SLC5A7: variants seen among roughly 807,000 people sequenced by gnomAD.
SLC5A7 encodes high affinity choline transporter 1.
In SLC5A7, 19 loss-of-function variants were observed where a neutral mutation model predicts 55.4. That is an observed-to-expected ratio of 0.34 (90% CI 0.24 to 0.50). The LOEUF is 0.50. Among genes scored for constraint, SLC5A7 ranks in the 20% least tolerant of loss-of-function variants. The pLI is 0.98. For missense variants in SLC5A7, 506 were observed against 705.3 expected, an observed-to-expected ratio of 0.72 and a Z score of 3.20; for synonymous variants, 265 against 263.7, an observed-to-expected ratio of 1.00 and a Z score of -0.05.
rs1678115852 is a variant in SLC5A7 at position 108,006,203 on chromosome 2, G to C, written c.895+1G>C. The C allele has an allele frequency of 6.2e-7, 1 of 1,613,732 alleles. No homozygotes were observed. The highest frequency in any genetic ancestry group is 8.5e-7 in the Non-Finnish European group (1 of 1,179,892). On this transcript the variant is annotated splice_donor_variant, in intron 7 of 8. Coordinates refer to ENST00000264047, the MANE Select transcript of SLC5A7 (RefSeq NM_021815.5). LOFTEE classifies it high-confidence loss of function. ...ATTGGGGCCATTGGAGCATCAACAG[G>C]TAAATCTCTTGCAGCTTCACCACAT...
chr2:108,011,104 TA>T lies in SLC5A7; in HGVS notation c.*249del. ...TGATGCTAGATAGTTTTGCTAGGTA[TA>T]AAAAATAAGTAAAGTTCCACTTAGA... is the stretch of plus-strand genomic sequence containing the variant. On this transcript the variant is annotated 3_prime_UTR_variant, in exon 9 of 9. Transcript: ENST00000264047. 2.9e-6 allele frequency: 1 copy of T among 347,080 alleles called. No homozygotes were observed. Among genetic ancestry groups the T allele is most frequent in the Admixed American group, 4.6e-5 (1 of 21,828 alleles). 21.5% of individuals were successfully genotyped at this position (347,080 alleles called of 1,614,324 possible). A position where few individuals can be genotyped will look rare whatever the true frequency, so the allele number is the denominator to read the frequency against.
At chr2:108,010,200 C>A in intron 8 of SLC5A7, 32 bp from the exon 9 acceptor site, 1 of 1,596,844 alleles carries the variant, frequency 6.3e-7, no homozygotes, top group Non-Finnish European at 8.5e-7. Context: ...AGACACTGTG[C>A]AAAAAGCTGA....
intron 8 of SLC5A7, 115 bp downstream of exon 8, chr2:108,008,797 AC>A: frequency 1.4e-6 from 1 of 724,040 alleles, no homozygotes; most frequent in East Asian, 3.0e-5. Context: ...GTTAAATCTG[AC>A]TGTACTTTAA....
chr2:107,996,993 C>A (rs1407481218), intron 4 of SLC5A7, among the ~76,000 whole-genome samples: 1 of 152,120 alleles, frequency 6.6e-6, no homozygotes, highest in East Asian at 1.9e-4. Flanking sequence ...TTTCTCAATT[C>A]TTTGCTGCCT....
At chr2:107,994,181 A>C (rs971936230) in intron 4 of SLC5A7, among the ~76,000 whole-genome samples, 5 of 152,212 alleles carry the variant, frequency 3.3e-5, no homozygotes, top group African/African-American at 1.2e-4. Flanking sequence ...CGCCTTCAGC[A>C]CATCCAATTT....
At chr2:107,994,260 G>C (rs1359735215) in intron 4 of SLC5A7, among the ~76,000 whole-genome samples, 4 of 152,162 alleles carry the variant, frequency 2.6e-5, no homozygotes, top group Non-Finnish European at 4.4e-5. Context: ...GCCGAAACAA[G>C]AGTATTTGAT....
intron 6 of SLC5A7, 81 bp downstream of exon 6, chr2:108,002,121 TAA>T: frequency 6.6e-7 from 1 of 1,511,054 alleles, no homozygotes; most frequent in Non-Finnish European, 9.0e-7. Flanking sequence ...ATATTCATAG[TAA>T]AAAAATGTGC....
chr2:108,012,567 CAT>C lies in SLC5A7; in HGVS notation c.*1707_*1708del, dbSNP rs1186325155. On this transcript the variant is annotated 3_prime_UTR_variant, in exon 9 of 9. Coordinates refer to ENST00000264047, the MANE Select transcript of SLC5A7 (RefSeq NM_021815.5). ...TAAAAGAGGAAATTAAATAATTTTA[CAT>C]GTCTCATATTTTCAGTGCTTTCTCA... is the stretch of plus-strand genomic sequence containing the variant. The C allele has an allele frequency of 1.2e-4, 18 of 152,052 alleles. No individual in the cohort carries two copies. The highest frequency in any genetic ancestry group is 2.2e-4 in the Non-Finnish European group (15 of 68,000). The allele number at this position is 152,052 out of a possible 1,614,324, so 9.4% of individuals were successfully genotyped here. A position where few individuals can be genotyped will look rare whatever the true frequency, so the allele number is the denominator to read the frequency against.
chr2:108,010,197 G>A, intron 8 of SLC5A7, 35 bp from the exon 9 acceptor site: 3 of 1,595,286 alleles, frequency 1.9e-6, no homozygotes, highest in Admixed American at 3.4e-5. Context: ...CCAAGACACT[G>A]TGCAAAAAGC....
In SLC5A7 at chr2:108,013,912, G is replaced by A. The variant is rs1377963946; in HGVS notation, c.*3051G>A. On this transcript the variant is annotated 3_prime_UTR_variant, in exon 9 of 9. Transcript: ENST00000264047. ...TTATGTGACTATGAAACGAATATAAGCTTAAAATAAGTGAATCTAATAAAA... is the reference window on the plus strand; with the variant it reads ...TTATGTGACTATGAAACGAATATAAACTTAAAATAAGTGAATCTAATAAAA... The A allele has an allele frequency of 1.3e-5, 2 of 151,980 alleles. No individual in the cohort carries two copies. The highest frequency in any genetic ancestry group is 4.8e-5 in the African/African-American group (2 of 41,402). The allele number at this position is 151,980 out of a possible 1,614,324, so 9.4% of individuals were successfully genotyped here.
intron 7 of SLC5A7, among the ~76,000 whole-genome samples, chr2:108,007,117 T>C (rs184910706): frequency 1.9e-4 from 29 of 152,292 alleles, no homozygotes; most frequent in Admixed American, 5.2e-4. Context: ...GCTGTAACTT[T>C]TAAGAGCACT....
intron 7 of SLC5A7, among the ~76,000 whole-genome samples, chr2:108,007,416 C>T: frequency 3.3e-5 from 1 of 30,706 alleles, no homozygotes; most frequent in Non-Finnish European, 5.3e-5. Context: ...TAGTGTTTGT[C>T]TCTGAAAAAA....
At chr2:107,994,310 G>A (rs1389898930) in intron 4 of SLC5A7, among the ~76,000 whole-genome samples, 2 of 152,202 alleles carry the variant, frequency 1.3e-5, no homozygotes, top group African/African-American at 4.8e-5. Flanking sequence ...GGGGCCGGGC[G>A]CGGTGGCTCA....
Position 108,001,937 on chromosome 2 carries a change from C to T in SLC5A7, c.638C>T (p.Ala213Val). Residue 213 changes from alanine to valine, a missense_variant, in exon 6 of 9, where the codon GCA becomes GTA. Ala to Val is a moderately conservative substitution (Grantham distance 64). This residue lies in a region of SLC5A7 where 309 missense variants were observed against 478.6 expected (regional missense o/e 0.65). Transcript: ENST00000264047. ...TTTGCATTGTCACATCCTGCAGTCG[C>T]AGACATCGGGTTCACTGCTGTGCAT... ...VPFALSHPAV[A>V]DIGFTAVHAK... 6.2e-7 allele frequency: 1 copy of T among 1,614,162 alleles called. No homozygotes were observed. The highest frequency in any genetic ancestry group is 8.5e-7 in the Non-Finnish European group (1 of 1,180,038).
chr2:108,000,391 GTGT>G (rs1677836875), intron 5 of SLC5A7, among the ~76,000 whole-genome samples: 2 of 151,916 alleles, frequency 1.3e-5, no homozygotes, highest in Non-Finnish European at 2.9e-5. Context: ...ATAAAAGTGT[GTGT>G]GCCTACACAC....
rs770347359 is a variant in SLC5A7 at position 107,997,908 on chromosome 2, T to C, written c.519T>C (p.Thr173=). Reference sequence around the variant, plus strand: ...TCATCATCTCTGCACTCATTGCCACTCTGTACACACTGGTGGGAGGGCTCT... The same window carrying C: ...TCATCATCTCTGCACTCATTGCCACCCTGTACACACTGGTGGGAGGGCTCT... ...ISVIISALIA[T]LYTLVGGLYS... The change falls in exon 5 of 9, where the codon ACT becomes ACC. Residue 173 remains threonine, a synonymous_variant. Coordinates refer to ENST00000264047, the MANE Select transcript of SLC5A7 (RefSeq NM_021815.5). The C allele has an allele frequency of 6.2e-7, 1 of 1,614,080 alleles. No individual in the cohort carries two copies. Among genetic ancestry groups the C allele is most frequent in the South Asian group, 1.1e-5 (1 of 91,064 alleles).
At chr2:108,006,010 A>G in intron 6 of SLC5A7, 39 bp from the exon 7 acceptor site, 2 of 1,610,192 alleles carry the variant, frequency 1.2e-6, no homozygotes, top group Non-Finnish European at 1.7e-6. Context: ...AAAAAAATGA[A>G]TAGATGTTTG....
intron 8 of SLC5A7, among the ~76,000 whole-genome samples, chr2:108,009,501 C>T (rs2104381166): frequency 6.6e-6 from 1 of 152,142 alleles, no homozygotes; most frequent in South Asian, 2.1e-4. Context: ...GTGTGTTGCT[C>T]CCTCCCTGTA....
At chr2:107,997,534 T>C (rs1677713473) in intron 4 of SLC5A7, among the ~76,000 whole-genome samples, 1 of 152,200 alleles carries the variant, frequency 6.6e-6, no homozygotes, top group Non-Finnish European at 1.5e-5. Context: ...TATTTTGAGT[T>C]CTTGTAATGT....
Sources: allele counts gnomAD v4.1 joint callset (sites outside exome capture counted in the v4.1 genomes callset), GRCh38; gene constraint gnomAD v4.1.1; regional missense constraint gnomAD v4.1.1; transcripts MANE v1.5; gene names NCBI Gene and HGNC (gene_info 2026-07-23, HGNC 2026-07-21).